The following ACSF3 variants were observed in gnomAD, a reference collection of about 807,000 sequenced individuals.
ACSF3 encodes acyl-CoA synthetase family member 3.
ACSF3 carries 78 observed loss-of-function variants against 53.2 expected under a neutral mutation model. That is an observed-to-expected ratio of 1.47 (90% confidence interval 1.22 to 1.77). The LOEUF (loss-of-function observed/expected upper bound fraction) is 1.77. Ranked by LOEUF, ACSF3 falls within the 40% of genes most tolerant of loss-of-function variation. ACSF3 has a pLI of 0.00. For missense variants in ACSF3, 937 were observed against 771.1 expected, an observed-to-expected ratio of 1.22 and a Z score of -2.55; for synonymous variants, 414 against 333.1, an observed-to-expected ratio of 1.24 and a Z score of -2.65.
chr16:89,112,107 T>G lies in ACSF3; in HGVS notation c.838T>G (p.Leu280Val). The G allele has an allele frequency of 1.2e-6, 2 of 1,614,054 alleles. No individual in the cohort carries two copies. The highest frequency in any genetic ancestry group is 3.3e-5 in the Admixed American group (2 of 60,024). ...FSPQQVWEKF[L>V]SSETPRINVF... Reference sequence around the variant, plus strand: ...TCCTTCGTAGGTTTGGGAAAAGTTCTTAAGTTCTGAAACGCCGCGGATCAA... The same window carrying G: ...TCCTTCGTAGGTTTGGGAAAAGTTCGTAAGTTCTGAAACGCCGCGGATCAA... The change falls in exon 5 of 11, where the codon TTA becomes GTA. Residue 280 changes from leucine to valine, a missense_variant. Transcript: ENST00000614302.
chr16:89,103,266 C>T (rs994515366), intron 4 of ACSF3, among the ~76,000 whole-genome samples: 4 of 152,226 alleles, frequency 2.6e-5, no homozygotes, highest in Admixed American at 2.0e-4. Flanking sequence ...CGAATGCTCA[C>T]GCGCTTGGTT....
chr16:89,104,050 C>T (rs758221515), intron 4 of ACSF3, among the ~76,000 whole-genome samples: 28 of 152,150 alleles, frequency 1.8e-4, no homozygotes, highest in Non-Finnish European at 3.7e-4. Flanking sequence ...TGTGTGCATT[C>T]TAGCTGACTG....
chr16:89,145,492 C>A, intron 9 of ACSF3, 91 bp downstream of exon 9: 1 of 1,489,008 alleles, frequency 6.7e-7, no homozygotes, highest in Non-Finnish European at 9.1e-7. Flanking sequence ...GAGTCGACGC[C>A]GTCCCAGCTG....
intron 8 of ACSF3, among the ~76,000 whole-genome samples, chr16:89,139,616 CAG>C (rs1181130463): frequency 1.6e-4 from 20 of 122,362 alleles, no homozygotes; most frequent in Admixed American, 1.2e-3. Flanking sequence ...TTTTTCGAGA[CAG>C]AGTCTTGCTC....
intron 1 of ACSF3, among the ~76,000 whole-genome samples, chr16:89,096,302 C>T (rs1221766432): frequency 6.6e-6 from 1 of 152,202 alleles, no homozygotes; most frequent in Non-Finnish European, 1.5e-5. Context: ...CACTGTGCTC[C>T]TGGTGGTGAT....
intron 3 of ACSF3, 64 bp downstream of exon 3, chr16:89,101,411 C>T: frequency 6.5e-7 from 1 of 1,547,508 alleles, no homozygotes; most frequent in South Asian, 1.2e-5. Context: ...GGGCTCCGGG[C>T]CAGAAGCACA....
intron 10 of ACSF3, chr16:89,151,255 A>G (rs1381014129): frequency 6.7e-6 from 3 of 451,006 alleles, no homozygotes; most frequent in East Asian, 7.0e-5. Context: ...TGAGTTACCA[A>G]TTTAAAACTG....
In ACSF3 at chr16:89,154,262, C is replaced by A; in HGVS notation, c.*55C>A. 6.4e-7 allele frequency: 1 copy of A among 1,550,900 alleles called. No individual in the cohort carries two copies. The highest frequency in any genetic ancestry group is 1.1e-5 in the South Asian group (1 of 88,928). On this transcript the variant is annotated 3_prime_UTR_variant, in exon 11 of 11. Coordinates refer to ENST00000614302, the MANE Select transcript of ACSF3 (RefSeq NM_001243279.3). Reference sequence around the variant, plus strand: ...GGGAGCAGCAGACGTCCCCTTCACACCGAGAACCACGGGGGCCCGTCCAAG... The same window carrying A: ...GGGAGCAGCAGACGTCCCCTTCACAACGAGAACCACGGGGGCCCGTCCAAG...
chr16:89,151,934 C>A (rs1914140562), intron 10 of ACSF3: 1 of 152,238 alleles, frequency 6.6e-6, no homozygotes, highest in Admixed American at 6.5e-5. Context: ...GAAGAAAGAT[C>A]ATATCATTTC....
At chr16:89,133,314 A>T (rs779642180) in intron 8 of ACSF3, 52 bp downstream of exon 8, 40 of 1,611,018 alleles carry the variant, frequency 2.5e-5, no homozygotes, top group Non-Finnish European at 1.7e-6. Context: ...ACAGGCAGGA[A>T]CTCATTGCTG....
intron 7 of ACSF3, among the ~76,000 whole-genome samples, chr16:89,128,205 C>T (rs1008253883): frequency 6.6e-6 from 1 of 151,164 alleles, no homozygotes; most frequent in Non-Finnish European, 1.5e-5. Context: ...TGCCCTTAAG[C>T]ATTGCTTTAG....
At chr16:89,104,527 G>A (rs560393140) in intron 4 of ACSF3, among the ~76,000 whole-genome samples, 78 of 152,230 alleles carry the variant, frequency 5.1e-4, no homozygotes, top group Non-Finnish European at 9.9e-4. Flanking sequence ...GCCTCTGACC[G>A]GGAGCTCAGG....
chr16:89,098,673 T>G lies in ACSF3; in HGVS notation c.-111T>G, dbSNP rs1458024795. ...GAGCATTTGCATTGCCTGCACCTTA[T>G]CGTGCCCTTCCACCTGCTGAAGCAG... On this transcript the variant is annotated 5_prime_UTR_variant, in exon 2 of 11. Coordinates refer to ENST00000614302, the MANE Select transcript of ACSF3 (RefSeq NM_001243279.3). 1 of 454,008 alleles carries G rather than the reference T, an allele frequency of 2.2e-6. No individual in the cohort carries two copies. 28.1% of individuals were successfully genotyped at this position (454,008 alleles called of 1,614,324 possible).
intron 8 of ACSF3, among the ~76,000 whole-genome samples, chr16:89,136,206 C>CGG (rs1198407088): frequency 6.6e-6 from 1 of 152,228 alleles, no homozygotes. Context: ...GTGTGAGATG[C>CGG]GGGGCTGCGA....
chr16:89,109,897 G>A lies in ACSF3; in HGVS notation c.823-2195G>A, dbSNP rs185547899. ...CACTGCACCCAGTGCTGTTTTTTAC[G>A]TTCTTGTTTGCATCCGTATGTAATC... is the stretch of plus-strand genomic sequence containing the variant. On this transcript the variant is annotated intron_variant, in intron 4 of 10. Coordinates refer to ENST00000614302, the MANE Select transcript of ACSF3 (RefSeq NM_001243279.3). Among the ~76,000 whole-genome samples the A allele has an allele frequency of 3.1e-3, 476 of 152,214 alleles. 1 individual carries two copies. Among genetic ancestry groups the A allele is most frequent in the African/African-American group, 0.011 (455 of 41,538 alleles).
chr16:89,103,521 A>C (rs1020207313), intron 4 of ACSF3, among the ~76,000 whole-genome samples: 10 of 152,210 alleles, frequency 6.6e-5, no homozygotes, highest in African/African-American at 2.4e-4. Context: ...CCCTTTGTGC[A>C]GCCTATGCGG....
intron 4 of ACSF3, among the ~76,000 whole-genome samples, chr16:89,104,211 A>C (rs1045235719): frequency 2.0e-5 from 3 of 152,242 alleles, no homozygotes; most frequent in Admixed American, 2.0e-4. Context: ...CGTATAATGA[A>C]TATGCCTTTT....
chr16:89,095,818 G>A (rs1449113384), intron 1 of ACSF3, among the ~76,000 whole-genome samples: 1 of 152,234 alleles, frequency 6.6e-6, no homozygotes, highest in African/African-American at 2.4e-5. Flanking sequence ...CTGTGAGGCA[G>A]GTCTTGTTAC....
At chr16:89,117,020 G>A (rs1050210444) in intron 6 of ACSF3, among the ~76,000 whole-genome samples, 5 of 152,168 alleles carry the variant, frequency 3.3e-5, no homozygotes, top group South Asian at 2.1e-4. Flanking sequence ...CAGTGCCACC[G>A]GCCACAGTCA....
Sources: gnomAD v4.1 joint callset for allele counts (sites outside exome capture counted in the v4.1 genomes callset) on GRCh38, gnomAD v4.1.1 for gene constraint, MANE v1.5 for transcripts, NCBI Gene and HGNC (gene_info 2026-07-23, HGNC 2026-07-21) for gene names.